FOXP2: variants seen among roughly 807,000 people sequenced by gnomAD.
FOXP2 encodes the protein forkhead box protein P2.
A neutral mutation model predicts 115.8 loss-of-function variants in FOXP2; 12 were observed. The ratio of observed to expected loss-of-function variants is 0.10; its 90% CI spans 0.07 to 0.17. FOXP2 has a LOEUF of 0.17. FOXP2 is among the 10% of genes least tolerant of loss of function. The pLI, the probability that FOXP2 is intolerant of heterozygous loss-of-function variation, is 1.00. For synonymous variants in FOXP2, 328 were observed against 297.7 expected (o/e 1.10, Z -1.05); for missense variants, 629 against 843.5 (o/e 0.75, Z 3.15).
intron 6 of FOXP2, among the ~76,000 whole-genome samples, chr7:114,640,949 TTATAAATGTAAA>T (rs1805492908): frequency 6.6e-6 from 1 of 152,296 alleles, no homozygotes. Context: ...TTAACTAAGA[TTATAAATGTAAA>T]GCTCTTAGTA....
chr7:114,493,971 A>G (rs1009578795), intron 2 of FOXP2, among the ~76,000 whole-genome samples: 2 of 151,970 alleles, frequency 1.3e-5, no homozygotes, highest in Non-Finnish European at 2.9e-5. Flanking sequence ...AACTTGTTCT[A>G]TAATTCTAAT....
chr7:114,541,206 G>A (rs1221814456), intron 3 of FOXP2, among the ~76,000 whole-genome samples: 1 of 152,076 alleles, frequency 6.6e-6, no homozygotes, highest in Admixed American at 6.6e-5. Flanking sequence ...AAGCTTGACA[G>A]AGGGGTCAAG....
chr7:114,349,157 TA>T (rs1272999234), intron 2 of FOXP2, among the ~76,000 whole-genome samples: 1 of 152,010 alleles, frequency 6.6e-6, no homozygotes, highest in African/African-American at 2.4e-5. Context: ...GCAAATCACC[TA>T]AAATTAACTG....
upstream of FOXP2, among the ~76,000 whole-genome samples, chr7:114,412,246 T>C (rs1459739867): frequency 6.6e-6 from 1 of 152,144 alleles, no homozygotes; most frequent in Non-Finnish European, 1.5e-5. Context: ...CCTGATCACG[T>C]ACCTGCCATA....
rs189751701 is a variant in FOXP2 at position 114,585,694 on chromosome 7, G to A, written c.259-42846G>A. Among the ~76,000 whole-genome samples, 477 of 151,928 alleles carry A rather than the reference G, an allele frequency of 3.1e-3. 1 individual carries two copies. The highest frequency in any genetic ancestry group is 0.014 in the South Asian group (65 of 4,798). On this transcript the variant is annotated intron_variant, in intron 3 of 16. Transcript: ENST00000350908. ...AGCCTGGCCAACATGATGAAACCCC[G>A]TCTCTACCAAAAATACAAAAGAATT...
chr7:114,436,438 G>T (rs1326479345), intron 2 of FOXP2, among the ~76,000 whole-genome samples: 1 of 150,646 alleles, frequency 6.6e-6, no homozygotes, highest in African/African-American at 2.4e-5. Flanking sequence ...TTTATTTGCT[G>T]TCTAGCAAAG....
Position 114,634,754 on chromosome 7 carries a change from T to G in FOXP2, c.775+3049T>G, listed in dbSNP as rs192938513. 9.3e-4 allele frequency among the ~76,000 whole-genome samples: 141 copies of G among 152,202 alleles called. 1 individual carries two copies. The highest frequency in any genetic ancestry group is 3.1e-3 in the African/African-American group (128 of 41,560). ...ATAACATAGTTTATATATTATCTAG[T>G]AATGAAATTTAGTGAAACATTTTAA... On this transcript the variant is annotated intron_variant, in intron 6 of 16. Coordinates refer to ENST00000350908, the MANE Select transcript of FOXP2 (RefSeq NM_014491.4).
chr7:114,629,306 T>C (rs1445160885), intron 4 of FOXP2, among the ~76,000 whole-genome samples: 1 of 152,182 alleles, frequency 6.6e-6, no homozygotes, highest in African/African-American at 2.4e-5. Flanking sequence ...GAGAAAATAA[T>C]GTGCTTTACC....
intron 2 of FOXP2, among the ~76,000 whole-genome samples, chr7:114,362,366 C>A (rs2129187781): frequency 6.6e-6 from 1 of 152,120 alleles, no homozygotes; most frequent in East Asian, 1.9e-4. Context: ...GTTCTAAGTC[C>A]TTTCTTCTCT....
At chr7:114,683,824 T>C (rs1262202321) in intron 16 of FOXP2, among the ~76,000 whole-genome samples, 2 of 152,172 alleles carry the variant, frequency 1.3e-5, no homozygotes. Context: ...GAAGTTATTA[T>C]TCAGAAATAT....
At chr7:114,632,275 A>G (rs1804962305) in intron 6 of FOXP2, among the ~76,000 whole-genome samples, 1 of 152,236 alleles carries the variant, frequency 6.6e-6, no homozygotes, top group Non-Finnish European at 1.5e-5. Context: ...ATTGTAAACT[A>G]TAGTTTTAAA....
At chr7:114,466,057 A>G (rs1795784902) in intron 2 of FOXP2, among the ~76,000 whole-genome samples, 3 of 152,196 alleles carry the variant, frequency 2.0e-5, no homozygotes, top group South Asian at 2.1e-4. Context: ...TTAAATTTCT[A>G]GAGTAAACCA....
At chr7:114,656,076 T>A (rs764042923) in intron 10 of FOXP2, among the ~76,000 whole-genome samples, 1 of 152,188 alleles carries the variant, frequency 6.6e-6, no homozygotes, top group Non-Finnish European at 1.5e-5. Context: ...TGCTTATTAT[T>A]ACAGGATAGC....
intron 2 of FOXP2, among the ~76,000 whole-genome samples, chr7:114,508,958 C>T (rs1288948102): frequency 6.6e-6 from 1 of 151,938 alleles, no homozygotes; most frequent in Non-Finnish European, 1.5e-5. Context: ...TTTTAGGCTT[C>T]TATTATGAGG....
chr7:114,683,140 A>G (rs1808186244), intron 16 of FOXP2, among the ~76,000 whole-genome samples: 1 of 152,192 alleles, frequency 6.6e-6, no homozygotes, highest in East Asian at 1.9e-4. Context: ...TGAATGGAAA[A>G]TATTCCAAGC....
intron 1 of FOXP2, among the ~76,000 whole-genome samples, chr7:114,275,249 T>C (rs1033674190): frequency 3.3e-5 from 5 of 152,162 alleles, no homozygotes; most frequent in African/African-American, 1.2e-4. Context: ...ATATTTATTC[T>C]GTTTCTTTCC....
chr7:114,107,050 G>A (rs1221326372), intron 1 of FOXP2, among the ~76,000 whole-genome samples: 1 of 151,916 alleles, frequency 6.6e-6, no homozygotes, highest in African/African-American at 2.4e-5. Flanking sequence ...CCAGTAATAG[G>A]GTTAGATAAA....
intron 8 of FOXP2, chr7:114,645,057 A>G (rs866812394): frequency 8.5e-6 from 2 of 235,070 alleles, no homozygotes; most frequent in South Asian, 1.1e-4. Context: ...GGAGACATTT[A>G]TAACAGAACT....
chr7:114,670,130 A>G (rs1488080115), intron 16 of FOXP2: 2 of 151,968 alleles, frequency 1.3e-5, no homozygotes, highest in African/African-American at 2.4e-5. Flanking sequence ...ATGTCATTTC[A>G]AAGTTTTGCT....
Sources: allele counts gnomAD v4.1 joint callset (sites outside exome capture counted in the v4.1 genomes callset), GRCh38; gene constraint gnomAD v4.1.1; transcripts MANE v1.5; gene names NCBI Gene and HGNC (gene_info 2026-07-23, HGNC 2026-07-21).